Variants in RAB10 observed in about 807,000 individuals in gnomAD.
RAB10 encodes ras-related protein Rab-10.
RAB10 carries 5 observed loss-of-function variants against 25.7 expected under a neutral mutation model. That is an observed-to-expected ratio of 0.19 (90% CI 0.10 to 0.41). RAB10 has a LOEUF of 0.41. Among genes scored for constraint, RAB10 ranks in the 10% least tolerant of loss-of-function variants. RAB10 has a pLI of 1.00. For missense variants in RAB10, 103 were observed against 245.8 expected (o/e 0.42, Z 3.89); for synonymous variants, 89 against 86.4 (o/e 1.03, Z -0.16).
At chr2:26,057,620 T>TTTCTTTCATTCATTCATTCA (rs146580967) in intron 1 of RAB10, among the ~76,000 whole-genome samples, 159 of 149,190 alleles carry the variant, frequency 1.1e-3, no homozygotes, top group African/African-American at 3.5e-3. Context: ...GGCAAGTTTC[T>TTTCTTTCATTCATTCATTCA]TTCATTCATT....
At chr2:26,062,488 G>T (rs1420919455) in intron 1 of RAB10, among the ~76,000 whole-genome samples, 1 of 151,992 alleles carries the variant, frequency 6.6e-6, no homozygotes, top group Non-Finnish European at 1.5e-5. Context: ...GACCAGCATG[G>T]TCAACCTGGT....
intron 1 of RAB10, among the ~76,000 whole-genome samples, chr2:26,051,530 G>A (rs1574528240): frequency 2.6e-5 from 4 of 151,032 alleles, no homozygotes; most frequent in East Asian, 2.0e-4. Flanking sequence ...GGTGGATCAC[G>A]AACGAGGTCA....
In RAB10 at chr2:26,034,490, C is replaced by CT; in HGVS notation, c.-114dup. 1 of 1,414,464 alleles carries CT rather than the reference C, an allele frequency of 7.1e-7. No individual in the cohort carries two copies. The highest frequency in any genetic ancestry group is 9.6e-7 in the Non-Finnish European group (1 of 1,045,782). The allele number at this position is 1,414,464 out of a possible 1,614,324, so 87.6% of individuals were successfully genotyped here. On this transcript the variant is annotated 5_prime_UTR_variant, in exon 1 of 6. Coordinates refer to ENST00000264710, the MANE Select transcript of RAB10 (RefSeq NM_016131.5). ...GTAGGTCGCCCGCGCCGTCTCGAGC[C>CT]TTTTTCCCACGCTTCCCCGGTCCTC...
upstream of RAB10, among the ~76,000 whole-genome samples, chr2:26,033,388 T>A (rs1665674177): frequency 1.3e-5 from 2 of 152,158 alleles, no homozygotes; most frequent in Admixed American, 1.3e-4. Context: ...TCAACCTTCC[T>A]CTCCTCGCCC....
At chr2:26,073,416 G>A (rs893141887) in intron 1 of RAB10, among the ~76,000 whole-genome samples, 1 of 152,186 alleles carries the variant, frequency 6.6e-6, no homozygotes, top group African/African-American at 2.4e-5. Flanking sequence ...TTGGGCTATT[G>A]CCATTGTACT....
chr2:26,128,101 G>A lies in RAB10; in HGVS notation c.519+150G>A. ...AGTCCCCAGCCTTTTTGGCACCAAG[G>A]ACTGGTTTCATGGAAGATAATTTTT... On this transcript the variant is annotated intron_variant, in intron 5 of 5. Coordinates refer to ENST00000264710, the MANE Select transcript of RAB10 (RefSeq NM_016131.5). 7.2e-6 allele frequency: 5 copies of A among 697,796 alleles called. No individual in the cohort carries two copies. The South Asian group carries it at 9.0e-5, about 13-fold the overall frequency. The allele number at this position is 697,796 out of a possible 1,614,324, so 43.2% of individuals were successfully genotyped here. A position where few individuals can be genotyped will look rare whatever the true frequency, so the allele number is the denominator to read the frequency against.
intron 1 of RAB10, among the ~76,000 whole-genome samples, chr2:26,082,579 T>C (rs1004723675): frequency 2.0e-5 from 3 of 152,150 alleles, no homozygotes; most frequent in African/African-American, 7.2e-5. Context: ...TAGTAATTGA[T>C]AGAATAAGTA....
chr2:26,104,145 G>A (rs1263622860), intron 2 of RAB10, among the ~76,000 whole-genome samples: 1 of 152,276 alleles, frequency 6.6e-6, no homozygotes, highest in Non-Finnish European at 1.5e-5. Context: ...TGAACATTTT[G>A]AGGAACTACC....
intron 1 of RAB10, among the ~76,000 whole-genome samples, chr2:26,040,347 A>G (rs903180218): frequency 6.6e-6 from 1 of 152,126 alleles, no homozygotes; most frequent in East Asian, 1.9e-4. Flanking sequence ...AGCATTCTCT[A>G]TAAATGATTT....
chr2:26,034,848 A>G (rs935151917), intron 1 of RAB10, 113 bp downstream of exon 1: 1 of 1,423,388 alleles, frequency 7.0e-7, no homozygotes, highest in Admixed American at 1.9e-5. Context: ...TCCGATTCCA[A>G]ACGACACATC....
chr2:26,067,562 T>G (rs1666540421), intron 1 of RAB10, among the ~76,000 whole-genome samples: 1 of 152,182 alleles, frequency 6.6e-6, no homozygotes, highest in South Asian at 2.1e-4. Context: ...CCAGCAACTG[T>G]CAACACCTGA....
At chr2:26,122,368 C>T (rs1574562289) in intron 3 of RAB10, among the ~76,000 whole-genome samples, 1 of 152,206 alleles carries the variant, frequency 6.6e-6, no homozygotes, top group Admixed American at 6.5e-5. Context: ...GTGGCTCACG[C>T]CTGTAATCCC....
At chr2:26,128,839 G>A (rs1030065460) in intron 5 of RAB10, among the ~76,000 whole-genome samples, 2 of 61,376 alleles carry the variant, frequency 3.3e-5, no homozygotes, top group Admixed American at 1.7e-4. Context: ...GCTAGTGTAA[G>A]TAACATGTAG....
At chr2:26,081,473 G>T (rs761826436) in intron 1 of RAB10, among the ~76,000 whole-genome samples, 4 of 152,170 alleles carry the variant, frequency 2.6e-5, no homozygotes. Flanking sequence ...AAGACTGAGG[G>T]ACTGTCTTAA....
rs577785745 is a variant in RAB10 at position 26,045,183 on chromosome 2, G to A, written c.127+10448G>A. ...TGGCAAAGGAAATACTGGTATTCTC[G>A]TTTTGTTTGCAAAAGGGAGAGGCTA... On this transcript the variant is annotated intron_variant, in intron 1 of 5. Coordinates refer to ENST00000264710, the MANE Select transcript of RAB10 (RefSeq NM_016131.5). Among the ~76,000 whole-genome samples, 64 of 151,708 alleles carry A rather than the reference G, an allele frequency of 4.2e-4. 2 individuals are homozygous for A. The South Asian group carries it at 0.012, about 30-fold the overall frequency.
At chr2:26,035,350 C>G (rs2149259200) in intron 1 of RAB10, among the ~76,000 whole-genome samples, 1 of 152,294 alleles carries the variant, frequency 6.6e-6, no homozygotes, top group South Asian at 2.1e-4. Context: ...AAGCAGTAAT[C>G]TGAGGGAGAT....
At chr2:26,130,738 G>C (rs889026564) in intron 5 of RAB10, among the ~76,000 whole-genome samples, 2 of 152,050 alleles carry the variant, frequency 1.3e-5, no homozygotes, top group African/African-American at 4.8e-5. Flanking sequence ...TGTGAGCCAC[G>C]TGCCAAAAAT....
In RAB10 at chr2:26,059,621, CT is replaced by C. The variant is rs561608806; in HGVS notation, c.127+24888del. On this transcript the variant is annotated intron_variant, in intron 1 of 5. Coordinates refer to ENST00000264710, the MANE Select transcript of RAB10 (RefSeq NM_016131.5). Reference sequence around the variant, plus strand: ...ATTACCATACGATGCAGCAATCCCACTTCCAAGTATATATCCCAAAGAACTG... The same window carrying C: ...ATTACCATACGATGCAGCAATCCCACTCCAAGTATATATCCCAAAGAACTG... 4.0e-3 allele frequency among the ~76,000 whole-genome samples: 605 copies of C among 152,254 alleles called. 1 individual carries two copies. The highest frequency in any genetic ancestry group is 7.0e-3 in the Non-Finnish European group (479 of 68,018).
At chr2:26,082,955 T>A (rs1666899919) in intron 1 of RAB10, among the ~76,000 whole-genome samples, 1 of 152,168 alleles carries the variant, frequency 6.6e-6, no homozygotes, top group Non-Finnish European at 1.5e-5. Context: ...AAAATCAAAG[T>A]AATTAGCTGC....
Sources: gnomAD v4.1 joint callset for allele counts (sites outside exome capture counted in the v4.1 genomes callset) on GRCh38, gnomAD v4.1.1 for gene constraint, MANE v1.5 for transcripts, NCBI Gene and HGNC (gene_info 2026-07-23, HGNC 2026-07-21) for gene names.